GPD2: variants seen among roughly 807,000 people sequenced by gnomAD.
GPD2 encodes the protein glycerol-3-phosphate dehydrogenase 2, also known as glycerol-3-phosphate dehydrogenase, mitochondrial.
A neutral mutation model predicts 82.4 loss-of-function variants in GPD2; 54 were observed. The observed-to-expected ratio is 0.66, with a 90% CI of 0.53 to 0.82. GPD2 has a LOEUF of 0.82. Among genes scored for constraint, GPD2 ranks in the 40% least tolerant of loss-of-function variants. GPD2 has a pLI of 0.00. For synonymous variants in GPD2, 288 were observed against 306.1 expected, an observed-to-expected ratio of 0.94 and a Z score of 0.62; for missense variants, 748 against 896.2, an observed-to-expected ratio of 0.83 and a Z score of 2.11.
chr2:156,420,351 T>G, the GPD2 span, among the ~76,000 whole-genome samples: 1 of 152,072 alleles, frequency 6.6e-6, no homozygotes, highest in East Asian at 1.9e-4. Flanking sequence ...TTTTGTATTT[T>G]TAGTAGAGAC....
chr2:156,490,387 G>GAAA (rs5835615), intron 2 of GPD2, among the ~76,000 whole-genome samples: 1 of 129,950 alleles, frequency 7.7e-6, no homozygotes, highest in Non-Finnish European at 1.6e-5. Context: ...AGCTTTTATG[G>GAAA]AAAAAAAAAA....
chr2:156,495,734 A>G (rs1459675871), intron 2 of GPD2: 3 of 395,330 alleles, frequency 7.6e-6, no homozygotes, highest in Non-Finnish European at 1.0e-5. Context: ...TGCCTTAGAT[A>G]AGGTATTTGG....
chr2:156,554,675 T>G lies in GPD2; in HGVS notation c.972-2714T>G, dbSNP rs1686894349. Reference sequence around the variant, plus strand: ...AACAAATCTGGAATTTCCATGAGAGTTATGGGTAGATGCTCTTCCAAAAGC... The same window carrying G: ...AACAAATCTGGAATTTCCATGAGAGGTATGGGTAGATGCTCTTCCAAAAGC... On this transcript the variant is annotated intron_variant, in intron 8 of 16. Coordinates refer to ENST00000438166, the MANE Select transcript of GPD2 (RefSeq NM_000408.5). Among the ~76,000 whole-genome samples, 4 of 152,210 alleles carry G rather than the reference T, an allele frequency of 2.6e-5. No individual in the cohort carries two copies. The South Asian group carries it at 8.3e-4, about 32-fold the overall frequency.
At chr2:156,429,024 G>T in the GPD2 span, among the ~76,000 whole-genome samples, 3 of 152,194 alleles carry the variant, frequency 2.0e-5, no homozygotes, top group East Asian at 5.8e-4. Context: ...AGCTAATCAT[G>T]TACAGACATA....
At chr2:156,559,022 A>T (rs1392831494) in intron 9 of GPD2, among the ~76,000 whole-genome samples, 1 of 151,716 alleles carries the variant, frequency 6.6e-6, no homozygotes, top group East Asian at 1.9e-4. Flanking sequence ...ATATTGTTTT[A>T]TTAGGTTTCA....
the GPD2 span, among the ~76,000 whole-genome samples, chr2:156,405,721 A>C: frequency 6.6e-6 from 1 of 152,194 alleles, no homozygotes; most frequent in African/African-American, 2.4e-5. Context: ...GGTGGTGCAC[A>C]CTAACACTTC....
intron 8 of GPD2, among the ~76,000 whole-genome samples, chr2:156,551,134 G>C (rs1483597875): frequency 1.3e-5 from 2 of 152,088 alleles, no homozygotes; most frequent in East Asian, 1.9e-4. Context: ...ACCCAAATTT[G>C]CTTATGAAGA....
Position 156,507,176 on chromosome 2 carries a change from A to C in GPD2, c.275-3620A>C, listed in dbSNP as rs542714539. 4.6e-5 allele frequency among the ~76,000 whole-genome samples: 7 copies of C among 151,874 alleles called. No individual in the cohort carries two copies. The East Asian group carries it at 1.4e-3, about 30-fold the overall frequency. ...TTACAGGCATGCACCACCGTGCCTGACAAATTTTTTTTTTAAGTAGAGATG... is the reference window on the plus strand; with the variant it reads ...TTACAGGCATGCACCACCGTGCCTGCCAAATTTTTTTTTTAAGTAGAGATG... On this transcript the variant is annotated intron_variant, in intron 3 of 16. Transcript: ENST00000438166.
chr2:156,401,081 G>T, the GPD2 span, among the ~76,000 whole-genome samples: 1 of 152,088 alleles, frequency 6.6e-6, no homozygotes, highest in South Asian at 2.1e-4. Flanking sequence ...GTGTTTAAAG[G>T]CCCTGTTATT....
At chr2:156,495,073 A>AGT (rs1684317821) in intron 2 of GPD2, among the ~76,000 whole-genome samples, 1 of 152,204 alleles carries the variant, frequency 6.6e-6, no homozygotes, top group Admixed American at 6.5e-5. Context: ...GGCTGGGTGC[A>AGT]GTGGCTCATG....
intron 3 of GPD2, among the ~76,000 whole-genome samples, chr2:156,506,872 AG>A (rs1355637895): frequency 6.6e-6 from 1 of 152,230 alleles, no homozygotes; most frequent in African/African-American, 2.4e-5. Flanking sequence ...ACAATATCTG[AG>A]GACTTCTAGA....
the GPD2 span, among the ~76,000 whole-genome samples, chr2:156,420,691 C>A: frequency 1.3e-5 from 2 of 152,138 alleles, no homozygotes; most frequent in Admixed American, 1.3e-4. Flanking sequence ...TTGCTGCAAC[C>A]TCCTATAAAG....
At position 156,509,753 on chromosome 2, in the gene GPD2, G is replaced by C. The variant is rs147948356; in HGVS notation, c.275-1043G>C. 1.6e-4 allele frequency among the ~76,000 whole-genome samples: 22 copies of C among 140,490 alleles called. No individual in the cohort carries two copies. In the East Asian group the frequency reaches 3.7e-3, roughly 24 times the overall value. 92.2% of individuals were successfully genotyped at this position (140,490 alleles called of 152,430 possible). A position where few individuals can be genotyped will look rare whatever the true frequency, so the allele number is the denominator to read the frequency against. ...TCTTTGCTCAGCCTTTCCTTATCAAGAATATGTTCTTCTTTTTTTTTTTTT... is the reference window on the plus strand; with the variant it reads ...TCTTTGCTCAGCCTTTCCTTATCAACAATATGTTCTTCTTTTTTTTTTTTT... On this transcript the variant is annotated intron_variant, in intron 3 of 16. Coordinates refer to ENST00000438166, the MANE Select transcript of GPD2 (RefSeq NM_000408.5).
the GPD2 span, among the ~76,000 whole-genome samples, chr2:156,412,266 T>C: frequency 6.6e-6 from 1 of 151,968 alleles, no homozygotes; most frequent in Admixed American, 6.6e-5. Context: ...TGAAACCCTA[T>C]CTCTACTAAG....
chr2:156,458,366 T>G (rs1318492169), intron 1 of GPD2, among the ~76,000 whole-genome samples: 1 of 152,180 alleles, frequency 6.6e-6, no homozygotes, highest in Non-Finnish European at 1.5e-5. Flanking sequence ...GTTTCTGGTT[T>G]GATTTGTTGT....
chr2:156,533,061 C>T (rs543245275), intron 6 of GPD2, among the ~76,000 whole-genome samples: 1 of 152,276 alleles, frequency 6.6e-6, no homozygotes, highest in African/African-American at 2.4e-5. Flanking sequence ...CCTCACCCTT[C>T]ACAAGACGGG....
At chr2:156,530,737 T>G (rs1443621625) in intron 6 of GPD2, among the ~76,000 whole-genome samples, 2 of 152,216 alleles carry the variant, frequency 1.3e-5, no homozygotes, top group Non-Finnish European at 2.9e-5. Context: ...TTACATTTAT[T>G]GATTTGTGTA....
At chr2:156,482,214 T>C (rs1683757913) in intron 2 of GPD2, among the ~76,000 whole-genome samples, 1 of 152,218 alleles carries the variant, frequency 6.6e-6, no homozygotes, top group South Asian at 2.1e-4. Context: ...GATATATCCT[T>C]CATTTTAGGT....
At chr2:156,427,022 T>G in the GPD2 span, among the ~76,000 whole-genome samples, 1 of 152,226 alleles carries the variant, frequency 6.6e-6, no homozygotes, top group African/African-American at 2.4e-5. Context: ...TGGATTGTGA[T>G]GCAATCTCAA....
Sources: allele counts gnomAD v4.1 joint callset (sites outside exome capture counted in the v4.1 genomes callset), GRCh38; gene constraint gnomAD v4.1.1; transcripts MANE v1.5; gene names NCBI Gene and HGNC (gene_info 2026-07-23, HGNC 2026-07-21).